Variants in DYNLRB1 observed in about 807,000 individuals in gnomAD.
DYNLRB1 encodes ROBL/LC7-like 1.
DYNLRB1 carries 6 observed loss-of-function variants against 13.5 expected under a neutral mutation model. The observed-to-expected ratio is 0.44, with a 90% confidence interval of 0.24 to 0.88. The LOEUF is 0.88. Among genes scored for constraint, DYNLRB1 ranks in the 40% least tolerant of loss-of-function variants. The probability of loss-of-function intolerance (pLI) is 0.21; values close to 1 mark genes in which losing one functional copy is unlikely to be tolerated. For missense variants in DYNLRB1, 93 were observed against 127.2 expected (o/e 0.73, Z 1.29); for synonymous variants, 43 against 45.0 (o/e 0.96, Z 0.18).
chr20:34,538,505 A>T (rs1300559734), intron 3 of DYNLRB1, among the ~76,000 whole-genome samples: 1 of 152,134 alleles, frequency 6.6e-6, no homozygotes, highest in Non-Finnish European at 1.5e-5. Flanking sequence ...AGCTGAGGTA[A>T]CTAACTCAGC....
chr20:34,537,052 G>C (rs1338344978), intron 3 of DYNLRB1, among the ~76,000 whole-genome samples: 1 of 152,184 alleles, frequency 6.6e-6, no homozygotes, highest in African/African-American at 2.4e-5. Context: ...CATGACTGTG[G>C]TTGGTGCTTG....
chr20:34,515,987 T>A (rs1338510957), upstream of DYNLRB1, among the ~76,000 whole-genome samples: 1 of 152,150 alleles, frequency 6.6e-6, no homozygotes, highest in Non-Finnish European at 1.5e-5. Flanking sequence ...CTCGAACTCC[T>A]GGTCAGGCGA....
At chr20:34,518,637 A>G (rs981527966) in intron 1 of DYNLRB1, among the ~76,000 whole-genome samples, 2 of 149,120 alleles carry the variant, frequency 1.3e-5, no homozygotes, top group South Asian at 4.2e-4. Flanking sequence ...TTTTTTTTGT[A>G]GAGTTGGGGT....
intron 1 of DYNLRB1, among the ~76,000 whole-genome samples, chr20:34,521,509 T>G (rs950187998): frequency 1.3e-4 from 20 of 152,346 alleles, no homozygotes; most frequent in Non-Finnish European, 2.4e-4. Flanking sequence ...GTTAGATTAG[T>G]TATTCTTATA....
intron 3 of DYNLRB1, chr20:34,535,694 G>C (rs1304333345): frequency 1.0e-6 from 1 of 985,266 alleles, no homozygotes. Flanking sequence ...CACTCCCGCT[G>C]CAGTGCCGCT....
chr20:34,515,662 C>T (rs1979111385), upstream of DYNLRB1, among the ~76,000 whole-genome samples: 1 of 152,160 alleles, frequency 6.6e-6, no homozygotes, highest in Admixed American at 6.5e-5. Context: ...GACTCCAGCC[C>T]CACCCCAGGC....
chr20:34,534,335 C>T (rs2146646767), intron 2 of DYNLRB1, among the ~76,000 whole-genome samples: 1 of 152,358 alleles, frequency 6.6e-6, no homozygotes, highest in East Asian at 1.9e-4. Flanking sequence ...AGCCAGCAGG[C>T]CTGCATGTGA....
intron 2 of DYNLRB1, chr20:34,533,459 C>T: frequency 1.0e-6 from 1 of 985,212 alleles, no homozygotes; most frequent in Non-Finnish European, 1.2e-6. Flanking sequence ...CCCAAGCCTC[C>T]CTTGGGTGGA....
At position 34,526,447 on chromosome 20, in the gene DYNLRB1, A is replaced by C. The variant is rs75300125; in HGVS notation, c.79+104A>C. ...ACTAAGCCCTTCATGAATCTGATCTAATTTTAGGCCTTTTTAATTTTTAAC... is the reference window on the plus strand; with the variant it reads ...ACTAAGCCCTTCATGAATCTGATCTCATTTTAGGCCTTTTTAATTTTTAAC... On this transcript the variant is annotated intron_variant, in intron 2 of 3. Coordinates refer to ENST00000357156, the MANE Select transcript of DYNLRB1 (RefSeq NM_014183.4). 4.8e-4 allele frequency: 478 copies of C among 998,930 alleles called. 8 individuals carry two copies. The East Asian group carries it at 0.014, about 29-fold the overall frequency. The allele number at this position is 998,930 out of a possible 1,614,324, so 61.9% of individuals were successfully genotyped here. A position where few individuals can be genotyped will look rare whatever the true frequency, so the allele number is the denominator to read the frequency against.
intron 3 of DYNLRB1, among the ~76,000 whole-genome samples, chr20:34,538,124 ATTTTTTT>A (rs538105358): frequency 3.7e-4 from 30 of 80,066 alleles, no homozygotes; most frequent in African/African-American, 4.7e-4. Flanking sequence ...CACACCCAGC[ATTTTTTT>A]TTTTTTTTTT....
intron 1 of DYNLRB1, 133 bp downstream of exon 1, chr20:34,516,594 G>C: frequency 1.3e-6 from 2 of 1,524,478 alleles, no homozygotes; most frequent in Non-Finnish European, 8.8e-7. Context: ...CCGGGCCCGG[G>C]CCCCAGCCGA....
chr20:34,516,416 C>A (rs970461203), upstream of DYNLRB1: 3 of 1,610,902 alleles, frequency 1.9e-6, no homozygotes, highest in Non-Finnish European at 2.5e-6. Flanking sequence ...AGGCACAGGA[C>A]TCGCTAAGTG....
chr20:34,531,324 C>T (rs1159066117), intron 2 of DYNLRB1: 1 of 152,252 alleles, frequency 6.6e-6, no homozygotes, highest in African/African-American at 2.4e-5. Flanking sequence ...CCCAGATAAC[C>T]AGCTACTTCT....
intron 2 of DYNLRB1, chr20:34,529,809 C>T: frequency 7.1e-7 from 1 of 1,406,784 alleles, no homozygotes; most frequent in Non-Finnish European, 9.3e-7. Context: ...GCTCCCCAGC[C>T]CTGTCTAGTT....
chr20:34,536,890 T>A (rs1268788436), intron 3 of DYNLRB1, among the ~76,000 whole-genome samples: 1 of 152,014 alleles, frequency 6.6e-6, no homozygotes, highest in Non-Finnish European at 1.5e-5. Flanking sequence ...ATCAGACAAA[T>A]TCTCCACAGA....
At chr20:34,527,080 T>C (rs922946526) in intron 2 of DYNLRB1, among the ~76,000 whole-genome samples, 1 of 152,234 alleles carries the variant, frequency 6.6e-6, no homozygotes, top group African/African-American at 2.4e-5. Context: ...TTCTGGCTGG[T>C]GCAGCCCTGT....
chr20:34,522,953 T>C (rs1262283646), intron 1 of DYNLRB1, among the ~76,000 whole-genome samples: 1 of 152,206 alleles, frequency 6.6e-6, no homozygotes, highest in Non-Finnish European at 1.5e-5. Context: ...CTTCAGTATT[T>C]ATTGAGCCTA....
At chr20:34,519,322 T>A (rs1267470716) in intron 1 of DYNLRB1, among the ~76,000 whole-genome samples, 1 of 152,196 alleles carries the variant, frequency 6.6e-6, no homozygotes, top group Non-Finnish European at 1.5e-5. Context: ...TGTGTTTCCT[T>A]CCAGATGTGT....
intron 1 of DYNLRB1, among the ~76,000 whole-genome samples, chr20:34,522,393 A>ATGT (rs1979794784): frequency 6.8e-6 from 1 of 147,026 alleles, no homozygotes. Flanking sequence ...AATTATACCT[A>ATGT]TGTGTCCTCC....
Sources: allele counts gnomAD v4.1 joint callset (sites outside exome capture counted in the v4.1 genomes callset), GRCh38; gene constraint gnomAD v4.1.1; transcripts MANE v1.5; gene names NCBI Gene and HGNC (gene_info 2026-07-23, HGNC 2026-07-21).